PPP2R2C: variants seen among roughly 807,000 people sequenced by gnomAD.
PPP2R2C encodes the protein protein phosphatase 2, regulatory subunit B, gamma.
In PPP2R2C, 10 loss-of-function variants were observed where a neutral mutation model predicts 45.3. The observed-to-expected ratio is 0.22, with a 90% confidence interval of 0.14 to 0.37. The LOEUF (loss-of-function observed/expected upper bound fraction) is 0.37, where lower values mean the gene tolerates loss of function less well. Ranked by LOEUF, PPP2R2C falls within the 10% of genes least tolerant of loss-of-function variation. The pLI is 1.00. For missense variants in PPP2R2C, 308 were observed against 619.7 expected (o/e 0.50, Z 5.34); for synonymous variants, 257 against 245.4 (o/e 1.05, Z -0.44).
At chr4:6,441,407 C>A (rs58754531) in intron 1 of PPP2R2C, among the ~76,000 whole-genome samples, 5,839 of 152,066 alleles carry the variant, frequency 0.038, 368 homozygotes, top group African/African-American at 0.13. Flanking sequence ...CTCAGCCCGC[C>A]CCATGAGCCC....
chr4:6,537,846 G>A (rs751379649), intron 1 of PPP2R2C, among the ~76,000 whole-genome samples: 11 of 152,052 alleles, frequency 7.2e-5, no homozygotes, highest in African/African-American at 2.2e-4. Flanking sequence ...CACCACGCCC[G>A]GCCAAAGATA....
At chr4:6,481,529 G>A (rs1560578010) in intron 2 of PPP2R2C, among the ~76,000 whole-genome samples, 1 of 152,268 alleles carries the variant, frequency 6.6e-6, no homozygotes, top group East Asian at 1.9e-4. Flanking sequence ...TCTGGCCCAT[G>A]TGGCAGTACT....
intron 1 of PPP2R2C, chr4:6,413,797 A>G (rs2109374552): frequency 7.1e-7 from 1 of 1,416,378 alleles, no homozygotes; most frequent in South Asian, 1.3e-5. Context: ...AGACTGGCCA[A>G]AGGCCACAGC....
At position 6,527,869 on chromosome 4, in the gene PPP2R2C, G is replaced by A. The variant is rs546088830; in HGVS notation, c.49+7402C>T. 3.2e-4 allele frequency among the ~76,000 whole-genome samples: 48 copies of A among 152,266 alleles called. No homozygotes were observed. In the South Asian group the frequency reaches 1.0e-2, roughly 32 times the overall value. ...CCCTGGACAGAAGGCAGGGCCTGGGGCCCCAGCAGGAGGAGAGCGGGCAGC... is the reference window on the plus strand; with the variant it reads ...CCCTGGACAGAAGGCAGGGCCTGGGACCCCAGCAGGAGGAGAGCGGGCAGC... On this transcript the variant is annotated intron_variant, in intron 2 of 9. Coordinates refer to the PPP2R2C transcript ENST00000506140.
At chr4:6,435,561 C>A (rs947367854) in intron 1 of PPP2R2C, among the ~76,000 whole-genome samples, 4 of 152,202 alleles carry the variant, frequency 2.6e-5, no homozygotes, top group Non-Finnish European at 5.9e-5. Context: ...ATAGAGCTTG[C>A]ACTGGTCCTT....
At chr4:6,542,089 G>C (rs1428380371) in intron 1 of PPP2R2C, among the ~76,000 whole-genome samples, 1 of 152,188 alleles carries the variant, frequency 6.6e-6, no homozygotes, top group East Asian at 1.9e-4. Context: ...CTCCAAAAGG[G>C]ACAGTGACAT....
At chr4:6,535,895 C>T (rs1356809907) in intron 1 of PPP2R2C, among the ~76,000 whole-genome samples, 1 of 152,216 alleles carries the variant, frequency 6.6e-6, no homozygotes, top group Non-Finnish European at 1.5e-5. Context: ...GCTGAACTGT[C>T]GCCACCTCCA....
chr4:6,491,887 CAATT>C (rs1353338791), intron 2 of PPP2R2C, among the ~76,000 whole-genome samples: 2 of 152,182 alleles, frequency 1.3e-5, no homozygotes, highest in Non-Finnish European at 1.5e-5. Flanking sequence ...AATTGTGAGT[CAATT>C]AAACCTATTT....
At chr4:6,443,979 G>T (rs112802166) in intron 1 of PPP2R2C, among the ~76,000 whole-genome samples, 2,452 of 152,294 alleles carry the variant, frequency 0.016, 68 homozygotes, top group African/African-American at 0.055. Flanking sequence ...CCCCCTGACT[G>T]CGAGAGAGCT....
At chr4:6,430,947 A>C (rs1291049753) in intron 1 of PPP2R2C, among the ~76,000 whole-genome samples, 4 of 152,104 alleles carry the variant, frequency 2.6e-5, no homozygotes, top group Admixed American at 1.3e-4. Context: ...ACAACAACAA[A>C]AAAAAAACTT....
chr4:6,520,715 C>T (rs1179963730), intron 2 of PPP2R2C, among the ~76,000 whole-genome samples: 1 of 152,234 alleles, frequency 6.6e-6, no homozygotes, highest in Non-Finnish European at 1.5e-5. Flanking sequence ...CAGGAGAGCA[C>T]TGAGCTTGGA....
chr4:6,530,853 T>C (rs1450368404), intron 2 of PPP2R2C, among the ~76,000 whole-genome samples: 1 of 152,202 alleles, frequency 6.6e-6, no homozygotes, highest in African/African-American at 2.4e-5. Context: ...CATCTGGCCC[T>C]TTCTACAGGC....
At chr4:6,507,176 G>C (rs1196259870) in intron 2 of PPP2R2C, among the ~76,000 whole-genome samples, 1 of 152,182 alleles carries the variant, frequency 6.6e-6, no homozygotes, top group Non-Finnish European at 1.5e-5. Context: ...GCAATGCCTG[G>C]TGTAGACATC....
intron 5 of PPP2R2C, chr4:6,351,358 G>A: frequency 2.0e-6 from 2 of 981,656 alleles, no homozygotes; most frequent in Non-Finnish European, 2.4e-6. Context: ...AAAGTATGCA[G>A]GGCTCCATTA....
intron 2 of PPP2R2C, among the ~76,000 whole-genome samples, chr4:6,530,996 G>C (rs1183464480): frequency 6.6e-6 from 1 of 152,188 alleles, no homozygotes; most frequent in African/African-American, 2.4e-5. Flanking sequence ...TCTCAAAATG[G>C]GTGTGTGGAG....
At chr4:6,527,295 G>A (rs552452765) in intron 2 of PPP2R2C, among the ~76,000 whole-genome samples, 99 of 152,292 alleles carry the variant, frequency 6.5e-4, no homozygotes, top group Middle Eastern at 6.8e-3. Context: ...GGAATGCACC[G>A]GACAAGCTGC....
chr4:6,476,556 C>A (rs910991167), upstream of PPP2R2C, among the ~76,000 whole-genome samples: 5 of 152,102 alleles, frequency 3.3e-5, no homozygotes, highest in Non-Finnish European at 7.4e-5. Context: ...GATCTGCCGG[C>A]ACTTTGACCT....
intron 1 of PPP2R2C, among the ~76,000 whole-genome samples, chr4:6,440,261 T>A (rs1190624105): frequency 6.6e-6 from 1 of 152,196 alleles, no homozygotes; most frequent in Non-Finnish European, 1.5e-5. Flanking sequence ...GACAGATGAG[T>A]ACATGTTGCA....
intron 1 of PPP2R2C, chr4:6,381,673 G>T: frequency 1.3e-6 from 2 of 1,516,530 alleles, no homozygotes; most frequent in Non-Finnish European, 1.8e-6. Flanking sequence ...TCTGCTCGCA[G>T]AAGCGAAGCT....
Sources: allele counts gnomAD v4.1 joint callset (sites outside exome capture counted in the v4.1 genomes callset), GRCh38; gene constraint gnomAD v4.1.1; transcripts MANE v1.5; gene names NCBI Gene and HGNC (gene_info 2026-07-23, HGNC 2026-07-21).